Variants in TBC1D13 observed in about 807,000 individuals in gnomAD.
TBC1D13 encodes the protein epididymis secretory sperm binding protein.
TBC1D13 carries 40 observed loss-of-function variants against 53.6 expected under a neutral mutation model. That is an observed-to-expected ratio of 0.75 (90% CI 0.58 to 0.97). TBC1D13 has a LOEUF of 0.97. Among genes scored for constraint, TBC1D13 ranks in the 50% least tolerant of loss-of-function variants. The pLI, the probability that TBC1D13 is intolerant of heterozygous loss-of-function variation, is 0.00. For missense variants in TBC1D13, 377 were observed against 499.4 expected (o/e 0.75, Z 2.34); for synonymous variants, 182 against 197.7 (o/e 0.92, Z 0.67).
Position 128,809,814 on chromosome 9 carries a change from C to G in TBC1D13, c.*1935C>G, listed in dbSNP as rs569115220. On this transcript the variant is annotated 3_prime_UTR_variant, in exon 12 of 12. Coordinates refer to ENST00000372648, the MANE Select transcript of TBC1D13 (RefSeq NM_018201.5). ...ATTGAGTGTAAAGATGGGAAGAGAA[C>G]TGGGCTGACTCCAGGACCTCCAGGA... The G allele has an allele frequency of 6.6e-6, 1 of 152,384 alleles. No homozygotes were observed. Among genetic ancestry groups the G allele is most frequent in the South Asian group, 2.1e-4 (1 of 4,828 alleles). 9.4% of individuals were successfully genotyped at this position (152,384 alleles called of 1,614,324 possible).
chr9:128,791,128 G>C (rs1829524875), intron 3 of TBC1D13, among the ~76,000 whole-genome samples: 1 of 152,160 alleles, frequency 6.6e-6, no homozygotes, highest in Non-Finnish European at 1.5e-5. Flanking sequence ...AGAGCACAGG[G>C]TCTGATGATC....
At chr9:128,787,499 G>A (rs1165933200) in intron 1 of TBC1D13, 123 bp downstream of exon 1, 4 of 1,036,422 alleles carry the variant, frequency 3.9e-6, no homozygotes, top group African/African-American at 3.3e-5. Context: ...AGAGGGTCTC[G>A]AGCGTCCACC....
intron 11 of TBC1D13, among the ~76,000 whole-genome samples, chr9:128,806,959 G>A (rs1162524865): frequency 6.6e-6 from 1 of 151,634 alleles, no homozygotes; most frequent in African/African-American, 2.4e-5. Flanking sequence ...AAAAGAACAT[G>A]GGCTCAAGGG....
chr9:128,791,343 A>T, intron 3 of TBC1D13, 37 bp from the exon 4 acceptor site: 1 of 1,599,442 alleles, frequency 6.3e-7, no homozygotes, highest in South Asian at 1.1e-5. Flanking sequence ...TTGGTGCAGG[A>T]GGGTCACCAG....
At chr9:128,791,064 A>G (rs888937658) in intron 3 of TBC1D13, among the ~76,000 whole-genome samples, 9 of 152,314 alleles carry the variant, frequency 5.9e-5, no homozygotes, top group East Asian at 1.9e-4. Context: ...GCTTTGCCCA[A>G]AGCTCCCAGC....
Position 128,807,990 on chromosome 9 carries a change from C to T in TBC1D13, c.*111C>T, listed in dbSNP as rs926249102. ...CCAGCCTGAGGGGAAGCCACAGGAT[C>T]GGCCCGAGACCCAGGCCATGCCCAC... On this transcript the variant is annotated 3_prime_UTR_variant, in exon 12 of 12. Transcript: ENST00000372648. 60 of 1,036,882 alleles carry T rather than the reference C, an allele frequency of 5.8e-5. No individual in the cohort carries two copies. The highest frequency in any genetic ancestry group is 5.6e-4 in the South Asian group (42 of 75,430). 64.2% of individuals were successfully genotyped at this position (1,036,882 alleles called of 1,614,324 possible).
In TBC1D13 at chr9:128,804,013, A is replaced by G; in HGVS notation, c.812A>G (p.Asp271Gly). The change falls in exon 9 of 12, where the codon GAC becomes GGC. Residue 271 changes from aspartate to glycine, a missense_variant. Transcript: ENST00000372648. ...CFTNLMAEIR[D>G]NFIKSLDDSQ... is the part of the protein sequence containing the mutation. ...ACCAACCTCATGGCCGAGATCCGGGACAACTTTATCAAGAGCCTGGATGAC... is the reference window on the plus strand; with the variant it reads ...ACCAACCTCATGGCCGAGATCCGGGGCAACTTTATCAAGAGCCTGGATGAC... The G allele has an allele frequency of 6.2e-7, 1 of 1,614,024 alleles. No individual in the cohort carries two copies. The highest frequency in any genetic ancestry group is 8.5e-7 in the Non-Finnish European group (1 of 1,180,020).
intron 6 of TBC1D13, among the ~76,000 whole-genome samples, chr9:128,794,681 G>C (rs1829596917): frequency 6.6e-6 from 1 of 151,268 alleles, no homozygotes; most frequent in Admixed American, 6.6e-5. Flanking sequence ...TCACCAGTTG[G>C]CCAGGCTGGT....
intron 9 of TBC1D13, among the ~76,000 whole-genome samples, chr9:128,805,098 C>G (rs1829808533): frequency 6.6e-6 from 1 of 152,102 alleles, no homozygotes; most frequent in African/African-American, 2.4e-5. Context: ...GTAATCCTAG[C>G]ACTTTGGGAG....
chr9:128,795,548 C>T (rs1829615218), intron 6 of TBC1D13, among the ~76,000 whole-genome samples: 2 of 142,738 alleles, frequency 1.4e-5, no homozygotes, highest in South Asian at 4.7e-4. Flanking sequence ...GCAAGCTCCG[C>T]CTCCCGGGTT....
rs1454332479 is a variant in TBC1D13 at position 128,807,874 on chromosome 9, A to G, written c.1198A>G (p.Lys400Glu). The change falls in exon 12 of 12, where the codon AAG (lysine) becomes GAG (glutamate). Residue 400 changes from lysine (K) to glutamate (E), a missense_variant. Lys to Glu is a moderately conservative substitution (Grantham distance 56). Transcript: ENST00000372648. ...GAAAGCCAAGGAGCTCCAAGACTCA[A>G]AGTAGCCCGGCGGCAAGAGGCCCAT... ...LQKAKELQDS[K>E] 6.2e-7 allele frequency: 1 copy of G among 1,614,176 alleles called. No individual in the cohort carries two copies. The highest frequency in any genetic ancestry group is 1.3e-5 in the African/African-American group (1 of 75,052).
intron 2 of TBC1D13, among the ~76,000 whole-genome samples, chr9:128,789,176 A>G (rs1172567719): frequency 6.6e-6 from 1 of 152,122 alleles, no homozygotes; most frequent in African/African-American, 2.4e-5. Flanking sequence ...ATAAAAAAGT[A>G]GCTGGGCTTG....
chr9:128,789,332 A>AAAAG (rs1829486826), intron 2 of TBC1D13, among the ~76,000 whole-genome samples: 2 of 151,496 alleles, frequency 1.3e-5, no homozygotes, highest in African/African-American at 4.8e-5. Flanking sequence ...AAAAAAAAAA[A>AAAAG]AAAAGAACTT....
intron 2 of TBC1D13, among the ~76,000 whole-genome samples, chr9:128,789,490 A>G (rs934308643): frequency 3.3e-5 from 5 of 152,014 alleles, no homozygotes; most frequent in Admixed American, 3.3e-4. Flanking sequence ...TTAGGAGTGA[A>G]ATATAGGCCC....
intron 6 of TBC1D13, among the ~76,000 whole-genome samples, chr9:128,796,504 G>A (rs888365449): frequency 6.6e-6 from 1 of 152,022 alleles, no homozygotes; most frequent in Non-Finnish European, 1.5e-5. Flanking sequence ...GTCTGCCTCA[G>A]CCTCCCAAAG....
At chr9:128,804,143 G>A (rs1157250034) in intron 9 of TBC1D13, 24 bp downstream of exon 9, 3 of 1,611,338 alleles carry the variant, frequency 1.9e-6, no homozygotes, top group South Asian at 1.1e-5. Context: ...GAACAGACGG[G>A]TGGAAAGGGA....
chr9:128,792,386 T>C, intron 5 of TBC1D13, 106 bp from the exon 6 acceptor site: 1 of 900,184 alleles, frequency 1.1e-6, no homozygotes, highest in Non-Finnish European at 1.8e-6. Context: ...CACCTCAGTG[T>C]GCAGTGGGAT....
At chr9:128,805,384 A>G (rs1392978293) in intron 9 of TBC1D13, among the ~76,000 whole-genome samples, 1 of 152,172 alleles carries the variant, frequency 6.6e-6, no homozygotes, top group East Asian at 1.9e-4. Flanking sequence ...TTTTCAGTTA[A>G]TATTCACTGT....
In TBC1D13 at chr9:128,806,326, G is replaced by T. The variant is rs754016356; in HGVS notation, c.1137+15G>T. 1 of 1,613,930 alleles carries T rather than the reference G, an allele frequency of 6.2e-7. No homozygotes were observed. Among genetic ancestry groups the T allele is most frequent in the East Asian group, 2.2e-5 (1 of 44,870 alleles). On this transcript the variant is annotated intron_variant, in intron 11 of 11. Coordinates refer to ENST00000372648, the MANE Select transcript of TBC1D13 (RefSeq NM_018201.5). ...GGCTGCTGCAGGTAATGGGAGTTGG[G>T]GGCAGGCTCAGCCACTGCCATGAGG...
Sources: gnomAD v4.1 joint callset for allele counts (sites outside exome capture counted in the v4.1 genomes callset) on GRCh38, gnomAD v4.1.1 for gene constraint, MANE v1.5 for transcripts, NCBI Gene and HGNC (gene_info 2026-07-23, HGNC 2026-07-21) for gene names.